Variants in UNC5D observed in about 807,000 individuals in gnomAD.
UNC5D encodes unc-5 netrin receptor D, also known as netrin receptor UNC5D.
Under a neutral mutation model 105.4 loss-of-function variants are expected in UNC5D, and 39 were observed. The observed-to-expected ratio is 0.37, with a 90% CI of 0.29 to 0.48. The LOEUF is 0.48. UNC5D is among the 20% of genes least tolerant of loss of function. The probability of loss-of-function intolerance (pLI) is 0.98; values close to 1 mark genes in which losing one functional copy is unlikely to be tolerated. For synonymous variants in UNC5D, 452 were observed against 450.4 expected (o/e 1.00, Z -0.04); for missense variants, 991 against 1,202.4 (o/e 0.82, Z 2.60).
chr8:35,604,323 G>A lies in UNC5D; in HGVS notation c.570+8666G>A, dbSNP rs1334504727. On this transcript the variant is annotated intron_variant, in intron 4 of 16. Coordinates refer to ENST00000404895, the MANE Select transcript of UNC5D (RefSeq NM_080872.4). Reference sequence around the variant, plus strand: ...TATGAAGCTTAGTTTGGCTGGATATGAAATTCTGGGTTGAAAATTCTTTTC... The same window carrying A: ...TATGAAGCTTAGTTTGGCTGGATATAAAATTCTGGGTTGAAAATTCTTTTC... Among the ~76,000 whole-genome samples the A allele has an allele frequency of 4.6e-5, 7 of 152,310 alleles. No individual in the cohort carries two copies. The East Asian group carries it at 1.3e-3, about 29-fold the overall frequency.
At chr8:35,691,956 G>C (rs1826430014) in intron 7 of UNC5D, among the ~76,000 whole-genome samples, 1 of 152,192 alleles carries the variant, frequency 6.6e-6, no homozygotes. Context: ...GAAGGGATTA[G>C]CACCTAGATG....
chr8:35,748,728 G>T (rs1225919683), intron 12 of UNC5D, 33 bp downstream of exon 12: 1 of 1,601,696 alleles, frequency 6.2e-7, no homozygotes, highest in East Asian at 2.2e-5. Context: ...TTAAACAGTG[G>T]GATTTGGGTT....
At chr8:35,416,583 A>G (rs1225986106) in intron 1 of UNC5D, among the ~76,000 whole-genome samples, 9 of 152,218 alleles carry the variant, frequency 5.9e-5, no homozygotes, top group Non-Finnish European at 5.9e-5. Context: ...GTGTAAGAAA[A>G]TACAGGTGGC....
chr8:35,544,619 T>TTG lies in UNC5D; in HGVS notation c.104-4672_104-4671dup. 3.1e-6 allele frequency: 4 copies of TTG among 1,297,462 alleles called. No homozygotes were observed. In the South Asian group the frequency reaches 5.8e-5, roughly 19 times the overall value. 80.4% of individuals were successfully genotyped at this position (1,297,462 alleles called of 1,614,324 possible). ...CGTTTTTTTTTTTTTTTTTTTTTTT[T>TTG]TGAGACAGAGTCTCAGTCTTTCACT... On this transcript the variant is annotated intron_variant, in intron 1 of 16. Transcript: ENST00000404895.
chr8:35,256,353 T>C (rs1804072495), intron 1 of UNC5D: 1 of 152,136 alleles, frequency 6.6e-6, no homozygotes, highest in Non-Finnish European at 1.5e-5. Context: ...AATTCAGGGG[T>C]ACCTGTGCAG....
At chr8:35,479,395 G>A (rs1355229013) in intron 1 of UNC5D, among the ~76,000 whole-genome samples, 2 of 151,974 alleles carry the variant, frequency 1.3e-5, no homozygotes, top group Non-Finnish European at 2.9e-5. Flanking sequence ...CTATATAAAG[G>A]TTTCTCAACT....
chr8:35,744,258 T>C (rs924125071), intron 11 of UNC5D, among the ~76,000 whole-genome samples: 5 of 152,206 alleles, frequency 3.3e-5, no homozygotes, highest in African/African-American at 1.2e-4. Flanking sequence ...TGTGGATCCA[T>C]CCCATTCCTG....
intron 1 of UNC5D, among the ~76,000 whole-genome samples, chr8:35,498,703 A>G (rs1811777239): frequency 6.6e-6 from 1 of 152,152 alleles, no homozygotes; most frequent in South Asian, 2.1e-4. Flanking sequence ...GAATTTCGTC[A>G]TCAGGCATCA....
At chr8:35,305,577 T>TTCTCTTTCTTTCTTTC (rs1339138456) in intron 1 of UNC5D, among the ~76,000 whole-genome samples, 44 of 54,024 alleles carry the variant, frequency 8.1e-4, no homozygotes, top group African/African-American at 2.4e-3. Flanking sequence ...CTTTCTTTCT[T>TTCTCTTTCTTTCTTTC]TTTCTTTCTT....
intron 1 of UNC5D, among the ~76,000 whole-genome samples, chr8:35,335,255 C>A (rs963703460): frequency 6.6e-6 from 1 of 152,236 alleles, no homozygotes; most frequent in South Asian, 2.1e-4. Context: ...ATGTGCAAAC[C>A]TTTGTGTGGT....
intron 1 of UNC5D, among the ~76,000 whole-genome samples, chr8:35,354,405 A>G (rs1481697522): frequency 6.6e-6 from 1 of 152,224 alleles, no homozygotes; most frequent in Non-Finnish European, 1.5e-5. Context: ...TAAAATTAAC[A>G]TCTTACAAGA....
intron 9 of UNC5D, among the ~76,000 whole-genome samples, chr8:35,724,517 G>C (rs1266335064): frequency 6.6e-6 from 1 of 152,162 alleles, no homozygotes; most frequent in Non-Finnish European, 1.5e-5. Flanking sequence ...GTGGGTGACT[G>C]TCGCTGGTCA....
intron 1 of UNC5D, among the ~76,000 whole-genome samples, chr8:35,239,479 A>G (rs1358137401): frequency 7.0e-6 from 1 of 142,874 alleles, no homozygotes; most frequent in African/African-American, 2.7e-5. Context: ...TGCATGTTTG[A>G]TATCCTTCCC....
intron 1 of UNC5D, among the ~76,000 whole-genome samples, chr8:35,371,880 T>G (rs1919337): frequency 0.53 from 80,718 of 151,980 alleles, 22,183 homozygotes; most frequent in East Asian, 0.7. Flanking sequence ...ATTAGGGCCT[T>G]TGGATATATT....
chr8:35,386,643 A>C (rs1043151900), intron 1 of UNC5D, among the ~76,000 whole-genome samples: 1 of 152,186 alleles, frequency 6.6e-6, no homozygotes, highest in South Asian at 2.1e-4. Flanking sequence ...GGGTTCCCCC[A>C]CTTATGTTGT....
chr8:35,457,339 TTTAAATTTTGATTCC>T (rs146045928), intron 1 of UNC5D, among the ~76,000 whole-genome samples: 2,537 of 152,274 alleles, frequency 0.017, 80 homozygotes, highest in African/African-American at 0.058. Flanking sequence ...AGATGTAAAC[TTTAAATTTTGATTCC>T]TTACCCTGTA....
At chr8:35,624,620 C>G (rs183098866) in intron 4 of UNC5D, among the ~76,000 whole-genome samples, 1 of 152,220 alleles carries the variant, frequency 6.6e-6, no homozygotes, top group Non-Finnish European at 1.5e-5. Flanking sequence ...ATAATAATGT[C>G]CATACCTCTG....
At chr8:35,248,856 TTC>T (rs1803427855) in intron 1 of UNC5D, among the ~76,000 whole-genome samples, 1 of 95,204 alleles carries the variant, frequency 1.1e-5, no homozygotes, top group Non-Finnish European at 1.8e-5. Context: ...TTATATATAA[TTC>T]TATAATAATA....
intron 4 of UNC5D, among the ~76,000 whole-genome samples, chr8:35,613,848 AAAAC>A (rs1466484906): frequency 1.5e-4 from 23 of 152,340 alleles, no homozygotes; most frequent in South Asian, 2.1e-4. Flanking sequence ...AACTGTCTCA[AAAAC>A]AAACAAACAA....
Sources: gnomAD v4.1 joint callset for allele counts (sites outside exome capture counted in the v4.1 genomes callset) on GRCh38, gnomAD v4.1.1 for gene constraint, MANE v1.5 for transcripts, NCBI Gene and HGNC (gene_info 2026-07-23, HGNC 2026-07-21) for gene names.